The following RHBDD1 variants were observed in gnomAD, a reference collection of about 807,000 sequenced individuals.
RHBDD1 encodes rhomboid-related protein 4.
RHBDD1 carries 38 observed loss-of-function variants against 36.3 expected under a neutral mutation model. The ratio of observed to expected loss-of-function variants is 1.05; its 90% CI spans 0.81 to 1.37. The LOEUF (loss-of-function observed/expected upper bound fraction) is 1.37. RHBDD1 is among the 40% of genes most tolerant of loss of function. RHBDD1 has a pLI of 0.00. For synonymous variants in RHBDD1, 151 were observed against 136.5 expected (o/e 1.11, Z -0.74); for missense variants, 393 against 377.6 (o/e 1.04, Z -0.34).
At chr2:226,945,490 C>T (rs1273420653) in intron 8 of RHBDD1, among the ~76,000 whole-genome samples, 1 of 152,106 alleles carries the variant, frequency 6.6e-6, no homozygotes, top group Non-Finnish European at 1.5e-5. Context: ...GACATGAACT[C>T]ATCCTTTTTT....
At chr2:226,891,514 T>C (rs1946687926) in intron 5 of RHBDD1, among the ~76,000 whole-genome samples, 1 of 152,030 alleles carries the variant, frequency 6.6e-6, no homozygotes, top group Non-Finnish European at 1.5e-5. Flanking sequence ...ATCCAAGGAG[T>C]GAATACCCAG....
At chr2:226,815,080 C>T in the RHBDD1 span, among the ~76,000 whole-genome samples, 5 of 152,346 alleles carry the variant, frequency 3.3e-5, no homozygotes, top group Non-Finnish European at 7.3e-5. Flanking sequence ...TTTTCAGAGA[C>T]TGTTTCTATT....
chr2:226,923,938 T>C (rs1949501514), intron 8 of RHBDD1, among the ~76,000 whole-genome samples: 1 of 152,140 alleles, frequency 6.6e-6, no homozygotes, highest in Non-Finnish European at 1.5e-5. Context: ...GGTCCAGAAA[T>C]GCTTTCCAAG....
intron 3 of RHBDD1, among the ~76,000 whole-genome samples, chr2:226,841,412 G>GGTAT (rs1941621668): frequency 6.6e-6 from 1 of 152,102 alleles, no homozygotes; most frequent in African/African-American, 2.4e-5. Flanking sequence ...CTGTCACCTA[G>GGTAT]GTATTAAGCC....
intron 8 of RHBDD1, among the ~76,000 whole-genome samples, chr2:226,914,958 G>A (rs1039730175): frequency 6.6e-6 from 1 of 152,156 alleles, no homozygotes; most frequent in African/African-American, 2.4e-5. Context: ...TGTTTGAGTA[G>A]CGACTAAAAA....
chr2:226,947,962 G>C (rs1336332376), intron 8 of RHBDD1, among the ~76,000 whole-genome samples: 2 of 152,208 alleles, frequency 1.3e-5, no homozygotes, highest in African/African-American at 2.4e-5. Flanking sequence ...CTTTTACACT[G>C]TTGGTGGGAT....
In RHBDD1 at chr2:226,995,823, G is replaced by A; in HGVS notation, c.*301G>A. Reference sequence around the variant, plus strand: ...CTCAGCGATGCCTCTGCCTCGGTCTGCTTTTGAAGACTGTGACCTTCACCA... The same window carrying A: ...CTCAGCGATGCCTCTGCCTCGGTCTACTTTTGAAGACTGTGACCTTCACCA... On this transcript the variant is annotated 3_prime_UTR_variant, in exon 9 of 9. Transcript: ENST00000392062. 1 of 360,040 alleles carries A rather than the reference G, an allele frequency of 2.8e-6. No homozygotes were observed. The allele number at this position is 360,040 out of a possible 1,614,324, so 22.3% of individuals were successfully genotyped here.
chr2:226,888,421 T>TC (rs1053893219), intron 5 of RHBDD1, among the ~76,000 whole-genome samples: 55 of 152,142 alleles, frequency 3.6e-4, no homozygotes, highest in African/African-American at 1.2e-3. Context: ...GTTTTTTTTT[T>TC]TCAAAAATTC....
At chr2:226,853,394 C>G (rs565270340) in intron 3 of RHBDD1, among the ~76,000 whole-genome samples, 23 of 152,316 alleles carry the variant, frequency 1.5e-4, no homozygotes, top group African/African-American at 5.3e-4. Context: ...GCATCTGGTA[C>G]ATGCTGTGGA....
intron 5 of RHBDD1, among the ~76,000 whole-genome samples, chr2:226,906,446 A>G (rs1321603314): frequency 1.3e-5 from 2 of 152,144 alleles, no homozygotes; most frequent in African/African-American, 2.4e-5. Context: ...GAGAAAACTG[A>G]TTTTATTTAT....
chr2:226,991,392 G>A (rs181141118), intron 8 of RHBDD1, among the ~76,000 whole-genome samples: 23 of 152,216 alleles, frequency 1.5e-4, no homozygotes, highest in Admixed American at 1.2e-3. Flanking sequence ...ACGTTGGCCC[G>A]GATGGTCTCA....
chr2:226,902,918 A>G (rs1300861338), intron 5 of RHBDD1, among the ~76,000 whole-genome samples: 1 of 152,218 alleles, frequency 6.6e-6, no homozygotes, highest in Admixed American at 6.5e-5. Context: ...TGTAAATGAG[A>G]TTCAAGATTA....
chr2:226,912,415 C>T (rs1186211852), intron 7 of RHBDD1, among the ~76,000 whole-genome samples: 1 of 152,044 alleles, frequency 6.6e-6, no homozygotes, highest in Non-Finnish European at 1.5e-5. Flanking sequence ...ATGTTTATAG[C>T]AGCATTATTC....
intron 3 of RHBDD1, among the ~76,000 whole-genome samples, chr2:226,861,701 A>G (rs1943868885): frequency 6.6e-6 from 1 of 152,234 alleles, no homozygotes; most frequent in African/African-American, 2.4e-5. Flanking sequence ...AATGTTTGAT[A>G]TATGTAACAT....
chr2:226,856,315 T>G (rs761761225), intron 3 of RHBDD1, among the ~76,000 whole-genome samples: 3 of 152,224 alleles, frequency 2.0e-5, no homozygotes, highest in African/African-American at 4.8e-5. Flanking sequence ...GTTAATAAAT[T>G]CGTGTTTTTC....
rs182589359 is a variant in RHBDD1, at chr2:226,923,097, T to G, written c.856+8746T>G. On this transcript the variant is annotated intron_variant, in intron 8 of 8. Transcript: ENST00000392062. ...TGTGTCCTTTTATTCTGTTTTTCTG[T>G]GGCTTACTATTACCAGTGAATTTGT... Among the ~76,000 whole-genome samples, 403 of 152,342 alleles carry G rather than the reference T, an allele frequency of 2.6e-3. 4 individuals are homozygous for G. The South Asian group carries it at 0.042, about 16-fold the overall frequency.
At chr2:226,828,174 A>G in the RHBDD1 span, among the ~76,000 whole-genome samples, 61 of 152,152 alleles carry the variant, frequency 4.0e-4, 1 homozygote, top group Non-Finnish European at 8.2e-4. Context: ...CTGTTTCTGT[A>G]GATTTGCCTT....
At chr2:226,873,395 G>C (rs1327404788) in intron 5 of RHBDD1, among the ~76,000 whole-genome samples, 1 of 152,220 alleles carries the variant, frequency 6.6e-6, no homozygotes. Flanking sequence ...AGAGTGGAAA[G>C]AGACAGCAGT....
At chr2:226,929,282 C>T (rs900230544) in intron 8 of RHBDD1, among the ~76,000 whole-genome samples, 7 of 152,024 alleles carry the variant, frequency 4.6e-5, no homozygotes, top group African/African-American at 1.7e-4. Context: ...TCCAACAGCA[C>T]ATCCAAACAA....
Sources: allele counts gnomAD v4.1 joint callset (sites outside exome capture counted in the v4.1 genomes callset), GRCh38; gene constraint gnomAD v4.1.1; transcripts MANE v1.5; gene names NCBI Gene and HGNC (gene_info 2026-07-23, HGNC 2026-07-21).